RAB10: variants seen among roughly 807,000 people sequenced by gnomAD.
RAB10 encodes RAB10, member RAS oncogene family.
A neutral mutation model predicts 25.7 loss-of-function variants in RAB10; 5 were observed. The ratio of observed to expected loss-of-function variants is 0.19; its 90% CI spans 0.10 to 0.41. The LOEUF (loss-of-function observed/expected upper bound fraction) is 0.41. Ranked by LOEUF, RAB10 falls within the 10% of genes least tolerant of loss-of-function variation. The pLI, the probability that RAB10 is intolerant of heterozygous loss-of-function variation, is 1.00. For missense variants in RAB10, 103 were observed against 245.8 expected, an observed-to-expected ratio of 0.42 and a Z score of 3.89; for synonymous variants, 89 against 86.4, an observed-to-expected ratio of 1.03 and a Z score of -0.16.
At chr2:26,105,882 A>G (rs1667455481) in intron 2 of RAB10, among the ~76,000 whole-genome samples, 1 of 152,196 alleles carries the variant, frequency 6.6e-6, no homozygotes, top group South Asian at 2.1e-4. Flanking sequence ...CACATACTCT[A>G]CAGGTTTGTA....
chr2:26,095,919 A>G (rs1031426603), intron 1 of RAB10, among the ~76,000 whole-genome samples: 2 of 152,114 alleles, frequency 1.3e-5, no homozygotes, highest in African/African-American at 4.8e-5. Flanking sequence ...CCAAAAAACA[A>G]AACAGAACAA....
chr2:26,126,778 A>G (rs1667917000), intron 3 of RAB10, among the ~76,000 whole-genome samples: 1 of 152,204 alleles, frequency 6.6e-6, no homozygotes, highest in Non-Finnish European at 1.5e-5. Context: ...TAAAATGTTT[A>G]ATTAAGGCTT....
At chr2:26,121,186 A>G (rs1253927569) in intron 3 of RAB10, among the ~76,000 whole-genome samples, 1 of 152,218 alleles carries the variant, frequency 6.6e-6, no homozygotes, top group Non-Finnish European at 1.5e-5. Flanking sequence ...TGCTGGCTTT[A>G]CAGGCGTGAG....
At chr2:26,112,262 A>G (rs144223878) in intron 3 of RAB10, among the ~76,000 whole-genome samples, 9 of 152,168 alleles carry the variant, frequency 5.9e-5, no homozygotes, top group Non-Finnish European at 8.8e-5. Flanking sequence ...ATTGAGTGTA[A>G]TGTCTGTCTC....
intron 1 of RAB10, among the ~76,000 whole-genome samples, chr2:26,050,674 G>T (rs2149263883): frequency 6.6e-6 from 1 of 152,152 alleles, no homozygotes; most frequent in African/African-American, 2.4e-5. Context: ...GTTTCACTCT[G>T]TCACCCAGGT....
upstream of RAB10, among the ~76,000 whole-genome samples, chr2:26,033,820 C>T (rs1443112411): frequency 6.6e-6 from 1 of 152,212 alleles, no homozygotes; most frequent in Non-Finnish European, 1.5e-5. Context: ...GGCGCTGCGC[C>T]TGCGCAGTCG....
rs573351675 is a variant in RAB10, at chr2:26,096,416, G to A, written c.128-2246G>A. On this transcript the variant is annotated intron_variant, in intron 1 of 5. Coordinates refer to ENST00000264710, the MANE Select transcript of RAB10 (RefSeq NM_016131.5). ...TGGGTGGGCGGATGGATGGCTGGAT[G>A]GATGGCTGGCTGGCTGGATGGATGG... Among the ~76,000 whole-genome samples, 5 of 106,200 alleles carry A rather than the reference G, an allele frequency of 4.7e-5. No individual in the cohort carries two copies. In the South Asian group the frequency reaches 1.7e-3, roughly 35 times the overall value. The allele number at this position is 106,200 out of a possible 152,430, so 69.7% of individuals were successfully genotyped here.
chr2:26,073,039 A>G (rs1033374267), intron 1 of RAB10, among the ~76,000 whole-genome samples: 8 of 152,192 alleles, frequency 5.3e-5, no homozygotes, highest in African/African-American at 1.4e-4. Context: ...CTTCTATGTA[A>G]TAGATTTGAT....
At chr2:26,116,275 TC>T (rs1157237701) in intron 3 of RAB10, among the ~76,000 whole-genome samples, 1 of 152,134 alleles carries the variant, frequency 6.6e-6, no homozygotes, top group Non-Finnish European at 1.5e-5. Flanking sequence ...ATCTCAGCCT[TC>T]CTGGTAGCTA....
In RAB10 at chr2:26,127,930, A is replaced by G; in HGVS notation, c.498A>G (p.Leu166=). The G allele has an allele frequency of 6.2e-7, 1 of 1,603,872 alleles. No individual in the cohort carries two copies. Among genetic ancestry groups the G allele is most frequent in the Non-Finnish European group, 8.5e-7 (1 of 1,170,652 alleles). The stretch of plus-strand genomic sequence containing the variant: ...ACATCGAAAAGGCGTTCCTCACGTT[A>G]GCTGAAGATATCCTTCGAAAGGTAA... The part of the protein sequence containing the change: ...NINIEKAFLT[L]AEDILRKTPV... Residue 166 remains leucine (L), a synonymous_variant, in exon 5 of 6, where the codon TTA becomes TTG. Coordinates refer to ENST00000264710, the MANE Select transcript of RAB10 (RefSeq NM_016131.5).
intron 1 of RAB10, among the ~76,000 whole-genome samples, chr2:26,092,559 A>C (rs1667131446): frequency 6.6e-6 from 1 of 152,152 alleles, no homozygotes; most frequent in Middle Eastern, 3.2e-3. Context: ...AGGGAAACTC[A>C]AGGAGTCCAA....
At chr2:26,039,391 G>A (rs939781389) in intron 1 of RAB10, among the ~76,000 whole-genome samples, 6 of 151,702 alleles carry the variant, frequency 4.0e-5, no homozygotes, top group African/African-American at 1.5e-4. Flanking sequence ...TGTTGCCCAG[G>A]CTGGAGTGTA....
At chr2:26,098,089 T>TTTTCTTTC (rs1176811767) in intron 1 of RAB10, among the ~76,000 whole-genome samples, 1 of 145,654 alleles carries the variant, frequency 6.9e-6, no homozygotes, top group African/African-American at 2.5e-5. Context: ...TCTTTCTTCT[T>TTTTCTTTC]TTTCTTTCTT....
intron 3 of RAB10, 24 bp from the exon 4 acceptor site, chr2:26,127,120 A>G: frequency 6.4e-7 from 1 of 1,552,064 alleles, no homozygotes; most frequent in South Asian, 1.2e-5. Context: ...TAGTATGTAA[A>G]AGTAAAATTT....
At chr2:26,129,268 C>CAAAAAAAAAA (rs58007291) in intron 5 of RAB10, among the ~76,000 whole-genome samples, 1 of 133,602 alleles carries the variant, frequency 7.5e-6, no homozygotes, top group African/African-American at 2.9e-5. Context: ...GACTCCATCT[C>CAAAAAAAAAA]AAAAAAAAAA....
intron 1 of RAB10, among the ~76,000 whole-genome samples, chr2:26,074,038 T>C (rs929637736): frequency 2.0e-5 from 3 of 152,202 alleles, no homozygotes; most frequent in Admixed American, 6.5e-5. Flanking sequence ...ATTTGGACTT[T>C]GTCTAGTAGA....
At chr2:26,111,332 C>T (rs908406459) in intron 3 of RAB10, among the ~76,000 whole-genome samples, 10 of 152,126 alleles carry the variant, frequency 6.6e-5, no homozygotes, top group East Asian at 1.9e-4. Flanking sequence ...TGGCTGGGCG[C>T]GGTGGCTCAC....
intron 1 of RAB10, among the ~76,000 whole-genome samples, chr2:26,092,420 C>T (rs538075253): frequency 3.3e-5 from 5 of 151,542 alleles, no homozygotes; most frequent in South Asian, 2.1e-4. Flanking sequence ...TAGGTAACTT[C>T]GAAGAAGTTT....
At chr2:26,049,565 C>T (rs980041391) in intron 1 of RAB10, among the ~76,000 whole-genome samples, 5 of 151,934 alleles carry the variant, frequency 3.3e-5, no homozygotes, top group East Asian at 3.8e-4. Flanking sequence ...CGCACCACCA[C>T]GCCTGGCTAA....
Sources: allele counts gnomAD v4.1 joint callset (sites outside exome capture counted in the v4.1 genomes callset), GRCh38; gene constraint gnomAD v4.1.1; transcripts MANE v1.5; gene names NCBI Gene and HGNC (gene_info 2026-07-23, HGNC 2026-07-21).